Variants in C8orf34 observed in about 807,000 individuals in gnomAD.
C8orf34 encodes chromosome 8 open reading frame 34, also known as uncharacterized protein C8orf34.
C8orf34 carries 65 observed loss-of-function variants against 68.3 expected under a neutral mutation model. That is an observed-to-expected ratio of 0.95 (90% CI 0.78 to 1.17). The LOEUF is 1.17. C8orf34 is among the 50% of genes most tolerant of loss of function. The pLI is 0.00. For missense variants in C8orf34, 664 were observed against 655.4 expected (o/e 1.01, Z -0.14); for synonymous variants, 244 against 241.2 (o/e 1.01, Z -0.11).
intron 8 of C8orf34, among the ~76,000 whole-genome samples, chr8:68,687,951 C>T (rs1820570056): frequency 6.6e-6 from 1 of 151,738 alleles, no homozygotes. Context: ...ATAATAATTC[C>T]ATCAAAAAGT....
intron 10 of C8orf34, among the ~76,000 whole-genome samples, chr8:68,734,930 A>G (rs1023451937): frequency 6.6e-6 from 1 of 152,224 alleles, no homozygotes; most frequent in African/African-American, 2.4e-5. Context: ...CCTAGACTAT[A>G]TACTTCCCCT....
chr8:68,665,561 A>C (rs1819812029), intron 8 of C8orf34, among the ~76,000 whole-genome samples: 1 of 151,962 alleles, frequency 6.6e-6, no homozygotes, highest in South Asian at 2.1e-4. Context: ...CTCTTACATC[A>C]TTTCGTACCA....
chr8:68,480,959 C>A (rs1213178536), intron 4 of C8orf34, among the ~76,000 whole-genome samples: 2 of 152,160 alleles, frequency 1.3e-5, no homozygotes, highest in Admixed American at 6.5e-5. Flanking sequence ...TAGAAATTTG[C>A]ATAAGTAGCC....
Position 68,808,944 on chromosome 8 carries a change from C to T in C8orf34, c.1550-6942C>T, listed in dbSNP as rs563056081. On this transcript the variant is annotated intron_variant, in intron 12 of 13. Coordinates refer to ENST00000518698, the MANE Select transcript of C8orf34 (RefSeq NM_052958.4). ...GCCACTTAAGTGTTCACTGTAATTA[C>T]TAATGATTCACCCTTTTTTGTGAGC... Among the ~76,000 whole-genome samples, 10 of 150,764 alleles carry T rather than the reference C, an allele frequency of 6.6e-5. No homozygotes were observed. The South Asian group carries it at 2.1e-3, about 32-fold the overall frequency.
intron 2 of C8orf34, among the ~76,000 whole-genome samples, chr8:68,443,976 T>C (rs546465184): frequency 2.0e-5 from 3 of 152,314 alleles, no homozygotes; most frequent in East Asian, 1.9e-4. Flanking sequence ...TTCCAAATTT[T>C]ACTGGAATGT....
At chr8:68,360,317 A>C (rs1806929102) in intron 1 of C8orf34, among the ~76,000 whole-genome samples, 2 of 152,200 alleles carry the variant, frequency 1.3e-5, no homozygotes, top group Admixed American at 6.5e-5. Flanking sequence ...CATTCCAAAC[A>C]GTGATATTTA....
chr8:68,525,393 C>A, intron 6 of C8orf34: 1 of 339,688 alleles, frequency 2.9e-6, no homozygotes, highest in South Asian at 6.5e-5. Flanking sequence ...ATCTAAAACA[C>A]ACAAAAATTA....
intron 3 of C8orf34, chr8:68,447,714 G>A (rs893142989): frequency 3.3e-5 from 5 of 152,298 alleles, no homozygotes; most frequent in African/African-American, 1.2e-4. Flanking sequence ...TTTGTGAGCA[G>A]CTTCATTTAC....
chr8:68,551,110 CTCTT>C (rs1816054446), intron 7 of C8orf34, among the ~76,000 whole-genome samples: 1 of 151,728 alleles, frequency 6.6e-6, no homozygotes, highest in Non-Finnish European at 1.5e-5. Flanking sequence ...TCTCTTTTCT[CTCTT>C]TCCTCTCTTC....
At chr8:68,731,060 T>C (rs978571739) in intron 10 of C8orf34, among the ~76,000 whole-genome samples, 3 of 152,192 alleles carry the variant, frequency 2.0e-5, no homozygotes, top group African/African-American at 4.8e-5. Flanking sequence ...GCCTTATAGC[T>C]CTGACTATGA....
chr8:68,796,052 TCTAA>T lies in C8orf34; in HGVS notation c.1549+8518_1549+8521del, dbSNP rs1824169527. ...AAAACGTCAAATACATCCTTCCCTCTCTAACAGTTGCTAGGCTGCCTGGTTCACA... is the reference window on the plus strand; with the variant it reads ...AAAACGTCAAATACATCCTTCCCTCTCAGTTGCTAGGCTGCCTGGTTCACA... On this transcript the variant is annotated intron_variant, in intron 12 of 13. Transcript: ENST00000518698. Among the ~76,000 whole-genome samples the T allele has an allele frequency of 3.9e-5, 6 of 152,336 alleles. No individual in the cohort carries two copies. The South Asian group carries it at 1.2e-3, about 32-fold the overall frequency.
intron 8 of C8orf34, among the ~76,000 whole-genome samples, chr8:68,697,863 T>C (rs903148854): frequency 1.3e-5 from 2 of 152,198 alleles, no homozygotes; most frequent in Admixed American, 1.3e-4. Flanking sequence ...AGTTATAAAA[T>C]TCCCCCTCGG....
rs1419851366 is a variant in C8orf34 at position 68,344,320 on chromosome 8, G to A, written c.327+12981G>A. Among the ~76,000 whole-genome samples, 7 of 152,082 alleles carry A rather than the reference G, an allele frequency of 4.6e-5. No homozygotes were observed. The South Asian group carries it at 8.3e-4, about 18-fold the overall frequency. On this transcript the variant is annotated intron_variant, in intron 1 of 13. Transcript: ENST00000518698. ...GAAAAAAGCCAAATGAAAAGTTTAC[G>A]TATTATATGATTGTGTGATTACATT...
chr8:68,439,732 C>A, intron 2 of C8orf34, 86 bp downstream of exon 2: 1 of 1,322,516 alleles, frequency 7.6e-7, no homozygotes, highest in Non-Finnish European at 1.0e-6. Context: ...TAAGATAAAT[C>A]TAGATAGATA....
chr8:68,806,020 C>T (rs571112004), intron 12 of C8orf34, among the ~76,000 whole-genome samples: 1 of 151,424 alleles, frequency 6.6e-6, no homozygotes, highest in South Asian at 2.1e-4. Context: ...GATAGTTGTT[C>T]TTGAGATTGC....
chr8:68,679,176 A>G (rs1173251098), intron 8 of C8orf34, among the ~76,000 whole-genome samples: 1 of 152,086 alleles, frequency 6.6e-6, no homozygotes, highest in Admixed American at 6.6e-5. Context: ...AGTCCCAGCT[A>G]CTGAGGGGGC....
chr8:68,415,241 G>T (rs1809615986), intron 1 of C8orf34, among the ~76,000 whole-genome samples: 1 of 152,154 alleles, frequency 6.6e-6, no homozygotes, highest in African/African-American at 2.4e-5. Context: ...AGCACTTTGG[G>T]AGGCCAGGCG....
intron 10 of C8orf34, 67 bp downstream of exon 10, chr8:68,721,504 C>T: frequency 9.6e-7 from 1 of 1,046,928 alleles, no homozygotes; most frequent in Non-Finnish European, 1.4e-6. Context: ...GTAGGTAAAT[C>T]TAAATAAAAT....
At chr8:68,660,301 AC>A (rs1819633963) in intron 8 of C8orf34, among the ~76,000 whole-genome samples, 3 of 152,174 alleles carry the variant, frequency 2.0e-5, no homozygotes, top group Admixed American at 2.0e-4. Context: ...CCCAGTGAAT[AC>A]CAGGGGTATG....
Sources: allele counts gnomAD v4.1 joint callset (sites outside exome capture counted in the v4.1 genomes callset), GRCh38; gene constraint gnomAD v4.1.1; transcripts MANE v1.5; gene names NCBI Gene and HGNC (gene_info 2026-07-23, HGNC 2026-07-21).